The following TNKS variants were observed in gnomAD, a reference collection of about 807,000 sequenced individuals.
The protein encoded by TNKS is tankyrase.
Under a neutral mutation model 135.8 loss-of-function variants are expected in TNKS, and 72 were observed. The ratio of observed to expected loss-of-function variants is 0.53; its 90% CI spans 0.44 to 0.64. TNKS has a LOEUF of 0.64. TNKS is among the 30% of genes least tolerant of loss of function. The probability of loss-of-function intolerance (pLI) is 0.00; values close to 1 mark genes in which losing one functional copy is unlikely to be tolerated. For missense variants in TNKS, 1,769 were observed against 1,674.0 expected (o/e 1.06, Z -0.99); for synonymous variants, 849 against 649.3 (o/e 1.31, Z -4.68).
chr8:9,636,200 G>T (rs1800505298), intron 3 of TNKS, among the ~76,000 whole-genome samples: 1 of 152,200 alleles, frequency 6.6e-6, no homozygotes, highest in Non-Finnish European at 1.5e-5. Context: ...ATGATTATAA[G>T]TAGGTGAGAT....
chr8:9,771,452 AG>A (rs1277339275), intron 26 of TNKS, among the ~76,000 whole-genome samples: 2 of 85,002 alleles, frequency 2.4e-5, no homozygotes, highest in Non-Finnish European at 5.2e-5. Context: ...AGGAAAAGAG[AG>A]AGAAGAAGGG....
At position 9,776,944 on chromosome 8, in the gene TNKS, C is replaced by T. The variant is rs1015357949; in HGVS notation, c.*208C>T. Reference sequence around the variant, plus strand: ...ACTGTTCCCTTTGAGGAAATGTTTACAGGGGCGGCCTTTTAACATATCTCA... The same window carrying T: ...ACTGTTCCCTTTGAGGAAATGTTTATAGGGGCGGCCTTTTAACATATCTCA... On this transcript the variant is annotated 3_prime_UTR_variant, in exon 27 of 27. Transcript: ENST00000310430. The T allele has an allele frequency of 1.4e-5, 7 of 506,572 alleles. No homozygotes were observed. Among genetic ancestry groups the T allele is most frequent in the Admixed American group, 3.6e-5 (1 of 27,524 alleles). 31.4% of individuals were successfully genotyped at this position (506,572 alleles called of 1,614,324 possible).
In TNKS at chr8:9,758,205, G is replaced by A. The variant is rs151283689; in HGVS notation, c.3154-3311G>A. 1.9e-3 allele frequency among the ~76,000 whole-genome samples: 297 copies of A among 152,312 alleles called. 3 individuals carry two copies. Among genetic ancestry groups the A allele is most frequent in the Middle Eastern group, 0.014 (4 of 294 alleles). On this transcript the variant is annotated intron_variant, in intron 20 of 26. Transcript: ENST00000310430. ...CTCGGAACTGTGCTTGTTATGTAGC[G>A]AGTACACAACAAATATTGTGTGGAT...
intron 3 of TNKS, among the ~76,000 whole-genome samples, chr8:9,664,921 A>C (rs774440601): frequency 3.9e-4 from 59 of 152,236 alleles, no homozygotes; most frequent in Non-Finnish European, 6.6e-4. Flanking sequence ...GCTGTCTGCC[A>C]TTAGTCCATT....
At chr8:9,631,978 A>G (rs1250257133) in intron 3 of TNKS, among the ~76,000 whole-genome samples, 2 of 152,182 alleles carry the variant, frequency 1.3e-5, no homozygotes, top group African/African-American at 4.8e-5. Context: ...CAAATTCTTC[A>G]TTAAAACCTT....
intron 2 of TNKS, among the ~76,000 whole-genome samples, chr8:9,595,821 C>T (rs1380610413): frequency 2.0e-5 from 3 of 152,076 alleles, no homozygotes; most frequent in African/African-American, 4.8e-5. Context: ...TCAAAACAAT[C>T]TATGGGTTAG....
At chr8:9,559,024 G>A (rs1304920157) in intron 1 of TNKS, among the ~76,000 whole-genome samples, 2 of 152,154 alleles carry the variant, frequency 1.3e-5, no homozygotes, top group African/African-American at 4.8e-5. Context: ...TCCCTTGGAT[G>A]GAAAAATTTA....
intron 2 of TNKS, among the ~76,000 whole-genome samples, chr8:9,590,518 A>C (rs1798551000): frequency 6.6e-6 from 1 of 152,082 alleles, no homozygotes; most frequent in African/African-American, 2.4e-5. Flanking sequence ...ACTCTTCCCA[A>C]CTTTGTGCCT....
rs779264051 is a variant in TNKS at position 9,735,097 on chromosome 8, A to G, written c.2533+13A>G. On this transcript the variant is annotated intron_variant, in intron 16 of 26. Transcript: ENST00000310430. ...CTGCACCTGGCAGGTAAGCGCCCCC[A>G]GTGCCTCCAAGCCTCCTTTTCCTTT... is the stretch of plus-strand genomic sequence containing the variant. 6.2e-7 allele frequency: 1 copy of G among 1,609,590 alleles called. No individual in the cohort carries two copies. The highest frequency in any genetic ancestry group is 8.5e-7 in the Non-Finnish European group (1 of 1,178,120).
At chr8:9,729,249 TG>T (rs1805305291) in intron 13 of TNKS, among the ~76,000 whole-genome samples, 1 of 152,180 alleles carries the variant, frequency 6.6e-6, no homozygotes, top group African/African-American at 2.4e-5. Flanking sequence ...ACTATTGCAT[TG>T]GAGATTAAGT....
chr8:9,677,859 AT>A (rs1011062461), intron 3 of TNKS, among the ~76,000 whole-genome samples: 19 of 151,782 alleles, frequency 1.3e-4, no homozygotes, highest in Non-Finnish European at 2.5e-4. Flanking sequence ...ACTTACAACC[AT>A]TCCCCTTCTC....
At chr8:9,655,278 A>G (rs1284985149) in intron 3 of TNKS, among the ~76,000 whole-genome samples, 1 of 152,224 alleles carries the variant, frequency 6.6e-6, no homozygotes, top group Non-Finnish European at 1.5e-5. Context: ...CCGCAGCTCA[A>G]GGAGGCCTGC....
intron 13 of TNKS, among the ~76,000 whole-genome samples, chr8:9,729,209 G>T (rs943851778): frequency 1.3e-5 from 2 of 152,202 alleles, no homozygotes; most frequent in Non-Finnish European, 2.9e-5. Context: ...CAGGAGGGAA[G>T]AGTCCGCATG....
intron 3 of TNKS, among the ~76,000 whole-genome samples, chr8:9,623,434 CTTTTT>C (rs80125974): frequency 8.5e-5 from 12 of 141,222 alleles, no homozygotes; most frequent in Admixed American, 1.4e-4. Context: ...GTGAAACACA[CTTTTT>C]TTTTTTTTTT....
At chr8:9,629,423 C>G (rs996184270) in intron 3 of TNKS, among the ~76,000 whole-genome samples, 12 of 152,108 alleles carry the variant, frequency 7.9e-5, no homozygotes, top group African/African-American at 2.2e-4. Context: ...TTTCATTCAC[C>G]CCCTTAAAAA....
chr8:9,603,037 C>A (rs1799075972), intron 2 of TNKS, among the ~76,000 whole-genome samples: 1 of 151,974 alleles, frequency 6.6e-6, no homozygotes, highest in Non-Finnish European at 1.5e-5. Flanking sequence ...AATCAACTAT[C>A]AATTTTTAAA....
chr8:9,670,778 CCTTG>C (rs1482692362), intron 3 of TNKS: 1 of 152,086 alleles, frequency 6.6e-6, no homozygotes, highest in Non-Finnish European at 1.5e-5. Flanking sequence ...GCATACAAAG[CCTTG>C]CTATGATGTA....
chr8:9,615,976 G>T (rs1018536955), intron 3 of TNKS, among the ~76,000 whole-genome samples: 37 of 152,006 alleles, frequency 2.4e-4, no homozygotes, highest in Admixed American at 5.9e-4. Flanking sequence ...CATCCTCTCA[G>T]TTGTTTAAGA....
chr8:9,556,084 A>G lies in TNKS; in HGVS notation c.145A>G (p.Thr49Ala), dbSNP rs201993870. ...LAPGTTPASPTASGLAPFASP... is the reference protein window; with the variant it reads ...LAPGTTPASPAASGLAPFASP... The stretch of plus-strand genomic sequence containing the variant: ...CCCGGGGACCACCCCAGCCTCTCCC[A>G]CGGCCAGCGGCCTGGCCCCCTTCGC... The change falls in exon 1 of 27, where the codon ACG becomes GCG. Residue 49 changes from threonine to alanine, a missense_variant. By Grantham distance (58) the Thr-to-Ala change is moderately conservative. Around this residue, in one of 5 missense-constraint regions of TNKS, gnomAD observed 450 missense variants for 304.9 expected, o/e 1.48. Coordinates refer to ENST00000310430, the MANE Select transcript of TNKS (RefSeq NM_003747.3). 2.4e-3 allele frequency: 3,813 copies of G among 1,604,164 alleles called. 7 individuals carry two copies. The highest frequency in any genetic ancestry group is 7.9e-3 in the Middle Eastern group (47 of 5,954).
Sources: allele counts gnomAD v4.1 joint callset (sites outside exome capture counted in the v4.1 genomes callset), GRCh38; gene constraint gnomAD v4.1.1; regional missense constraint gnomAD v4.1.1; transcripts MANE v1.5; gene names NCBI Gene and HGNC (gene_info 2026-07-23, HGNC 2026-07-21).